GRM8: variants seen among roughly 807,000 people sequenced by gnomAD.
GRM8 encodes the protein metabotropic glutamate receptor 8.
Under a neutral mutation model 87.2 loss-of-function variants are expected in GRM8, and 47 were observed. The observed-to-expected ratio is 0.54, with a 90% CI of 0.43 to 0.69. GRM8 has a LOEUF of 0.69. Among genes scored for constraint, GRM8 ranks in the 30% least tolerant of loss-of-function variants. GRM8 has a pLI of 0.00. For missense variants in GRM8, 1,019 were observed against 1,139.2 expected (o/e 0.89, Z 1.52); for synonymous variants, 396 against 404.5 (o/e 0.98, Z 0.25).
At chr7:126,968,780 G>T (rs941539708) in intron 3 of GRM8, among the ~76,000 whole-genome samples, 2 of 152,060 alleles carry the variant, frequency 1.3e-5, no homozygotes, top group African/African-American at 4.8e-5. Context: ...CTTATAAATG[G>T]CAGGATATGG....
chr7:126,687,788 A>G (rs1336627596), intron 7 of GRM8, among the ~76,000 whole-genome samples: 1 of 151,896 alleles, frequency 6.6e-6, no homozygotes, highest in Admixed American at 6.6e-5. Flanking sequence ...AGTCATACTT[A>G]TAGACAGATG....
At position 126,496,309 on chromosome 7, in the gene GRM8, C is replaced by T. The variant is rs149787447; in HGVS notation, c.2430+36643G>A. Among the ~76,000 whole-genome samples the T allele has an allele frequency of 2.6e-3, 399 of 151,812 alleles. 3 individuals are homozygous for T. The highest frequency in any genetic ancestry group is 9.3e-3 in the African/African-American group (386 of 41,464). On this transcript the variant is annotated intron_variant, in intron 9 of 10. Transcript: ENST00000339582. ...GAAGGAAAGAAGGAAAGGGAAGAAA[C>T]GAAAGAGAATCTGCAGATTTTATAG...
At chr7:126,820,037 T>C (rs1388026824) in intron 6 of GRM8, among the ~76,000 whole-genome samples, 1 of 152,194 alleles carries the variant, frequency 6.6e-6, no homozygotes, top group Non-Finnish European at 1.5e-5. Context: ...ATTTTTAATT[T>C]TATTTCATTT....
At chr7:126,596,267 T>C (rs10265418) in intron 8 of GRM8, among the ~76,000 whole-genome samples, 116,504 of 152,106 alleles carry the variant, frequency 0.77, 44,982 homozygotes, top group East Asian at 0.94. Context: ...AATTTACTTT[T>C]GCACCAGCAG....
At chr7:126,793,123 T>C (rs1821546433) in intron 6 of GRM8, among the ~76,000 whole-genome samples, 2 of 152,194 alleles carry the variant, frequency 1.3e-5, no homozygotes, top group African/African-American at 2.4e-5. Flanking sequence ...TCATGAGTTT[T>C]CCTATCAGCT....
chr7:126,710,461 C>A (rs908748776), intron 7 of GRM8, among the ~76,000 whole-genome samples: 1 of 152,148 alleles, frequency 6.6e-6, no homozygotes. Flanking sequence ...ATTCTAAATC[C>A]TTTGTTGTCA....
chr7:126,471,165 C>T (rs1293389340), intron 9 of GRM8, among the ~76,000 whole-genome samples: 3 of 151,752 alleles, frequency 2.0e-5, no homozygotes, highest in African/African-American at 7.2e-5. Context: ...ATGGTAGTTT[C>T]TTTTGCTGTG....
chr7:126,654,021 G>A (rs1348040307), intron 7 of GRM8, among the ~76,000 whole-genome samples: 1 of 152,204 alleles, frequency 6.6e-6, no homozygotes, highest in African/African-American at 2.4e-5. Context: ...GGGATCATAA[G>A]ACAGTTACAG....
chr7:126,666,087 C>A (rs1174566563), intron 7 of GRM8, among the ~76,000 whole-genome samples: 1 of 152,126 alleles, frequency 6.6e-6, no homozygotes, highest in Non-Finnish European at 1.5e-5. Context: ...AGACCTCAGA[C>A]AAAGATCTTT....
At chr7:126,677,899 G>A (rs761677829) in intron 7 of GRM8, among the ~76,000 whole-genome samples, 2 of 152,152 alleles carry the variant, frequency 1.3e-5, no homozygotes, top group Admixed American at 6.5e-5. Context: ...GTCGTGTAAG[G>A]TCAAGTCCCT....
intron 7 of GRM8, among the ~76,000 whole-genome samples, chr7:126,636,970 C>T (rs12673117): frequency 0.31 from 46,797 of 151,690 alleles, 8,084 homozygotes; most frequent in East Asian, 0.43. Flanking sequence ...AAAATAGCTA[C>T]GCCACATTTA....
chr7:126,928,778 A>G (rs3808142), intron 3 of GRM8, among the ~76,000 whole-genome samples: 50,291 of 152,040 alleles, frequency 0.33, 8,346 homozygotes, highest in Non-Finnish European at 0.35. Context: ...TATGGATACC[A>G]TCTTTGACAT....
At chr7:126,932,795 G>A (rs1805906450) in intron 3 of GRM8, among the ~76,000 whole-genome samples, 1 of 152,128 alleles carries the variant, frequency 6.6e-6, no homozygotes, top group African/African-American at 2.4e-5. Flanking sequence ...GTCACATAAA[G>A]AAGAAAAATT....
intron 3 of GRM8, among the ~76,000 whole-genome samples, chr7:126,990,879 T>G (rs1466646049): frequency 6.6e-6 from 1 of 152,204 alleles, no homozygotes; most frequent in African/African-American, 2.4e-5. Flanking sequence ...AAATGTTGCT[T>G]TTTTCTCCAA....
chr7:127,098,073 A>T (rs1318074905), intron 3 of GRM8, among the ~76,000 whole-genome samples: 1 of 152,208 alleles, frequency 6.6e-6, no homozygotes, highest in Non-Finnish European at 1.5e-5. Flanking sequence ...TAAAGCTTCT[A>T]CAGTATCACT....
At chr7:126,611,081 T>C (rs998259240) in intron 7 of GRM8, among the ~76,000 whole-genome samples, 4 of 152,218 alleles carry the variant, frequency 2.6e-5, no homozygotes, top group African/African-American at 9.6e-5. Context: ...TTATTATTAC[T>C]ATTATTATTA....
intron 2 of GRM8, among the ~76,000 whole-genome samples, chr7:127,132,461 A>G (rs6949620): frequency 0.16 from 24,258 of 151,934 alleles, 2,230 homozygotes; most frequent in Non-Finnish European, 0.21. Flanking sequence ...GTCACATGCC[A>G]TTCTGCTCAG....
At chr7:126,512,564 G>A (rs1811544327) in intron 9 of GRM8, 1 of 152,150 alleles carries the variant, frequency 6.6e-6, no homozygotes, top group African/African-American at 2.4e-5. Context: ...CTGTGACTCT[G>A]CCTGATGCCC....
chr7:126,649,784 A>C (rs1236533333), intron 7 of GRM8, among the ~76,000 whole-genome samples: 1 of 152,174 alleles, frequency 6.6e-6, no homozygotes, highest in East Asian at 1.9e-4. Flanking sequence ...AAAGGCTGCC[A>C]GTTTTGAGTG....
Sources: gnomAD v4.1 joint callset for allele counts (sites outside exome capture counted in the v4.1 genomes callset) on GRCh38, gnomAD v4.1.1 for gene constraint, MANE v1.5 for transcripts, NCBI Gene and HGNC (gene_info 2026-07-23, HGNC 2026-07-21) for gene names.